The following MRTFA variants were observed in gnomAD, a reference collection of about 807,000 sequenced individuals.
MRTFA encodes the protein myocardin related transcription factor A.
Under a neutral mutation model 83.5 loss-of-function variants are expected in MRTFA, and 20 were observed. The observed-to-expected ratio is 0.24, with a 90% CI of 0.17 to 0.35. The LOEUF is 0.35. Among genes scored for constraint, MRTFA ranks in the 10% least tolerant of loss-of-function variants. The probability of loss-of-function intolerance (pLI) is 1.00; values close to 1 mark genes in which losing one functional copy is unlikely to be tolerated. For synonymous variants in MRTFA, 659 were observed against 541.2 expected, an observed-to-expected ratio of 1.22 and a Z score of -3.02; for missense variants, 1,200 against 1,224.7, an observed-to-expected ratio of 0.98 and a Z score of 0.30.
At chr22:40,594,488 C>T (rs942168207) in intron 2 of MRTFA, among the ~76,000 whole-genome samples, 186 bp downstream of exon 2, 4 of 152,014 alleles carry the variant, frequency 2.6e-5, no homozygotes, top group African/African-American at 9.7e-5. Flanking sequence ...TAATGAGATA[C>T]TAGATGTAGT....
chr22:40,627,856 C>T (rs1294865374), intron 1 of MRTFA, among the ~76,000 whole-genome samples: 5 of 152,146 alleles, frequency 3.3e-5, no homozygotes, highest in Non-Finnish European at 5.9e-5. Context: ...GCCTATAGTC[C>T]TAGTTATGCA....
chr22:40,631,234 T>C (rs1432294768), intron 1 of MRTFA, among the ~76,000 whole-genome samples: 3 of 152,234 alleles, frequency 2.0e-5, no homozygotes, highest in Admixed American at 6.5e-5. Flanking sequence ...TCCTTCTGCA[T>C]ACTCATATCA....
chr22:40,467,996 A>T (rs1443846638), intron 3 of MRTFA, among the ~76,000 whole-genome samples: 3 of 152,176 alleles, frequency 2.0e-5, no homozygotes, highest in Non-Finnish European at 4.4e-5. Flanking sequence ...ACCCAACCAT[A>T]AAGTGAAAAA....
intron 3 of MRTFA, among the ~76,000 whole-genome samples, chr22:40,495,923 G>A (rs964909456): frequency 2.7e-5 from 4 of 149,722 alleles, no homozygotes; most frequent in Non-Finnish European, 4.5e-5. Flanking sequence ...AAAGTTAGCC[G>A]GGTGTGGTGG....
chr22:40,452,968 A>G (rs2053522756), intron 4 of MRTFA, among the ~76,000 whole-genome samples: 2 of 152,182 alleles, frequency 1.3e-5, no homozygotes, highest in Non-Finnish European at 2.9e-5. Context: ...ACTGGCCAAG[A>G]AGGAGGTTCT....
chr22:40,595,682 A>ATCAT (rs995833603), intron 1 of MRTFA, among the ~76,000 whole-genome samples: 6 of 152,072 alleles, frequency 3.9e-5, no homozygotes, highest in African/African-American at 1.4e-4. Context: ...TCTTTGTGCA[A>ATCAT]TCATTCACAG....
At chr22:40,450,485 T>TA (rs962224551) in intron 4 of MRTFA, among the ~76,000 whole-genome samples, 4 of 152,118 alleles carry the variant, frequency 2.6e-5, no homozygotes, top group African/African-American at 9.7e-5. Context: ...AGATGGAGTC[T>TA]AACTCTGTCG....
intron 2 of MRTFA, among the ~76,000 whole-genome samples, chr22:40,555,826 GA>G (rs1228037698): frequency 1.3e-5 from 2 of 151,682 alleles, no homozygotes; most frequent in Non-Finnish European, 2.9e-5. Context: ...TTTTAGTAGA[GA>G]CGGGGTTTCA....
chr22:40,460,893 T>C (rs963663927), intron 4 of MRTFA, among the ~76,000 whole-genome samples: 1 of 152,030 alleles, frequency 6.6e-6, no homozygotes, highest in African/African-American at 2.4e-5. Flanking sequence ...CCTGGGCTGA[T>C]GTTTAGGATA....
chr22:40,626,866 AACAC>A (rs141945541), intron 1 of MRTFA, among the ~76,000 whole-genome samples: 3,266 of 145,166 alleles, frequency 0.022, 102 homozygotes, highest in African/African-American at 0.073. Flanking sequence ...CCCTGTCTCA[AACAC>A]ACACACACAC....
intron 3 of MRTFA, among the ~76,000 whole-genome samples, chr22:40,470,229 T>G (rs1244250482): frequency 3.4e-5 from 2 of 58,774 alleles, no homozygotes; most frequent in Non-Finnish European, 6.1e-5. Flanking sequence ...ATCTCCAAAA[T>G]TTTATATATA....
chr22:40,617,136 A>AC, intron 1 of MRTFA, among the ~76,000 whole-genome samples: 1 of 134,624 alleles, frequency 7.4e-6, no homozygotes, highest in Non-Finnish European at 1.6e-5. Context: ...AAAGAGAGAG[A>AC]CGAGAGAAGG....
At chr22:40,449,067 C>G (rs2053437237) in intron 4 of MRTFA, among the ~76,000 whole-genome samples, 1 of 152,078 alleles carries the variant, frequency 6.6e-6, no homozygotes, top group African/African-American at 2.4e-5. Flanking sequence ...ACATTGAGAC[C>G]ATCCCGGCTA....
chr22:40,461,470 T>C (rs1439288560), intron 4 of MRTFA, among the ~76,000 whole-genome samples: 14 of 148,654 alleles, frequency 9.4e-5, no homozygotes, highest in Non-Finnish European at 7.5e-5. Context: ...CTGGGCAACA[T>C]AGCAAGACCC....
At chr22:40,507,589 C>A (rs1226371784) in intron 3 of MRTFA, among the ~76,000 whole-genome samples, 1 of 151,908 alleles carries the variant, frequency 6.6e-6, no homozygotes, top group Non-Finnish European at 1.5e-5. Context: ...TGCACTCCCA[C>A]CTGTGTGACA....
At chr22:40,560,619 A>C (rs554357641) in intron 2 of MRTFA, among the ~76,000 whole-genome samples, 1 of 152,324 alleles carries the variant, frequency 6.6e-6, no homozygotes, top group African/African-American at 2.4e-5. Context: ...GTTGTAATTT[A>C]TAACTCTACT....
chr22:40,562,615 G>A (rs1488877716), intron 2 of MRTFA, among the ~76,000 whole-genome samples: 1 of 99,206 alleles, frequency 1.0e-5, no homozygotes, highest in Admixed American at 9.5e-5. Flanking sequence ...AAGGGGTAAG[G>A]GGGGAGGGAG....
chr22:40,617,218 G>A (rs1602499995), intron 1 of MRTFA, among the ~76,000 whole-genome samples: 1 of 122,110 alleles, frequency 8.2e-6, no homozygotes, highest in Admixed American at 8.5e-5. Context: ...GGGAGGGAGG[G>A]AGGGCGGGCA....
intron 1 of MRTFA, among the ~76,000 whole-genome samples, chr22:40,601,782 T>G (rs2056262047): frequency 6.6e-6 from 1 of 152,196 alleles, no homozygotes; most frequent in African/African-American, 2.4e-5. Context: ...AGACTTTGTC[T>G]CTTTAAAAAC....
Sources: gnomAD v4.1 joint callset for allele counts (sites outside exome capture counted in the v4.1 genomes callset) on GRCh38, gnomAD v4.1.1 for gene constraint, MANE v1.5 for transcripts, NCBI Gene and HGNC (gene_info 2026-07-23, HGNC 2026-07-21) for gene names.